The following GALNT13 variants were observed in gnomAD, a reference collection of about 807,000 sequenced individuals.
GALNT13 encodes polypeptide N-acetylgalactosaminyltransferase 13.
GALNT13 carries 28 observed loss-of-function variants against 64.2 expected under a neutral mutation model. The observed-to-expected ratio is 0.44, with a 90% CI of 0.32 to 0.60. GALNT13 has a LOEUF of 0.60. Ranked by LOEUF, GALNT13 falls within the 20% of genes least tolerant of loss-of-function variation. GALNT13 has a pLI of 0.05. For synonymous variants in GALNT13, 214 were observed against 224.6 expected, an observed-to-expected ratio of 0.95 and a Z score of 0.42; for missense variants, 577 against 669.8, an observed-to-expected ratio of 0.86 and a Z score of 1.53.
At chr2:153,962,725 C>G (rs1023402072) in intron 3 of GALNT13, among the ~76,000 whole-genome samples, 1 of 152,086 alleles carries the variant, frequency 6.6e-6, no homozygotes, top group African/African-American at 2.4e-5. Flanking sequence ...TGAGTTTGGA[C>G]AAATGGATCT....
At chr2:154,015,023 T>A (rs1696913505) in intron 3 of GALNT13, among the ~76,000 whole-genome samples, 1 of 152,040 alleles carries the variant, frequency 6.6e-6, no homozygotes, top group Non-Finnish European at 1.5e-5. Flanking sequence ...AATAGAAAAA[T>A]AAAACAAAAC....
chr2:154,350,431 C>T (rs1033539213), intron 9 of GALNT13, among the ~76,000 whole-genome samples: 1 of 152,186 alleles, frequency 6.6e-6, no homozygotes, highest in Non-Finnish European at 1.5e-5. Flanking sequence ...CCAAGTTCTT[C>T]AGCTTTTGTA....
chr2:154,307,509 G>A lies in GALNT13; in HGVS notation c.1156+5920G>A, dbSNP rs964930724. ...CAGTCTTGGCCTATGCTCATTAGCC[G>A]TTTGGTAATATTGACAAAGTTGGTA... On this transcript the variant is annotated intron_variant, in intron 9 of 12. Coordinates refer to ENST00000392825, the MANE Select transcript of GALNT13 (RefSeq NM_052917.4). 3.9e-5 allele frequency among the ~76,000 whole-genome samples: 6 copies of A among 152,022 alleles called. No homozygotes were observed. In the East Asian group the frequency reaches 5.8e-4, roughly 15 times the overall value.
chr2:153,408,663 TG>T, the GALNT13 span, among the ~76,000 whole-genome samples: 6,735 of 150,636 alleles, frequency 0.045, 220 homozygotes, highest in South Asian at 0.13. Context: ...TTTTTGTTTT[TG>T]TTTTTTTTTT....
At chr2:153,485,232 C>T in the GALNT13 span, among the ~76,000 whole-genome samples, 4 of 152,018 alleles carry the variant, frequency 2.6e-5, no homozygotes, top group African/African-American at 7.2e-5. Context: ...TTAACCTTTT[C>T]GTAAGACATA....
the GALNT13 span, among the ~76,000 whole-genome samples, chr2:153,255,805 T>C: frequency 2.0e-5 from 3 of 152,220 alleles, no homozygotes; most frequent in Non-Finnish European, 2.9e-5. Flanking sequence ...CCCACTCTCT[T>C]CTGGCTGGTA....
At chr2:154,216,016 AAAT>A (rs1328844402) in intron 4 of GALNT13, among the ~76,000 whole-genome samples, 3 of 151,084 alleles carry the variant, frequency 2.0e-5, no homozygotes, top group African/African-American at 4.9e-5. Context: ...AAAACAAATT[AAAT>A]AATAATTATT....
intron 3 of GALNT13, among the ~76,000 whole-genome samples, chr2:154,001,260 T>A (rs1357185877): frequency 1.3e-5 from 2 of 152,094 alleles, no homozygotes; most frequent in Non-Finnish European, 2.9e-5. Context: ...TGTCTTTTAA[T>A]TGGACAATTT....
chr2:153,531,536 C>T, the GALNT13 span, among the ~76,000 whole-genome samples: 1 of 152,102 alleles, frequency 6.6e-6, no homozygotes, highest in Admixed American at 6.6e-5. Context: ...AAAACCATAC[C>T]ACTCTGCTCC....
intron 3 of GALNT13, among the ~76,000 whole-genome samples, chr2:154,067,807 G>T (rs1490962614): frequency 6.6e-6 from 1 of 152,028 alleles, no homozygotes; most frequent in African/African-American, 2.4e-5. Context: ...GTTGGTCTGA[G>T]CTAAGATTTC....
chr2:153,709,614 A>G, the GALNT13 span, among the ~76,000 whole-genome samples: 2,093 of 152,142 alleles, frequency 0.014, 53 homozygotes, highest in African/African-American at 0.047. Flanking sequence ...AAGAATTACC[A>G]TATGATTCAG....
At chr2:153,998,465 C>A (rs766879067) in intron 3 of GALNT13, among the ~76,000 whole-genome samples, 4 of 152,068 alleles carry the variant, frequency 2.6e-5, no homozygotes, top group Non-Finnish European at 5.9e-5. Context: ...CTGTTCATAT[C>A]CTTCGCCCAC....
At chr2:153,518,227 T>C in the GALNT13 span, among the ~76,000 whole-genome samples, 8 of 152,166 alleles carry the variant, frequency 5.3e-5, no homozygotes, top group African/African-American at 1.9e-4. Flanking sequence ...TGTTCTTCTA[T>C]TGTTTTTCTC....
At chr2:153,786,421 C>G in the GALNT13 span, among the ~76,000 whole-genome samples, 1 of 152,112 alleles carries the variant, frequency 6.6e-6, no homozygotes, top group African/African-American at 2.4e-5. Context: ...CACGGCTGAG[C>G]ATACTCACTT....
At chr2:153,488,383 T>C in the GALNT13 span, among the ~76,000 whole-genome samples, 6 of 152,266 alleles carry the variant, frequency 3.9e-5, no homozygotes, top group East Asian at 1.2e-3. Context: ...TTAGACACTG[T>C]TTTTTTCCTC....
At chr2:153,922,941 C>T (rs1689855422) in intron 2 of GALNT13, among the ~76,000 whole-genome samples, 1 of 151,232 alleles carries the variant, frequency 6.6e-6, no homozygotes, top group Non-Finnish European at 1.5e-5. Context: ...CCTCTGTCAC[C>T]CAGGCTGGAG....
At chr2:154,025,844 C>T (rs1697919843) in intron 3 of GALNT13, among the ~76,000 whole-genome samples, 1 of 151,768 alleles carries the variant, frequency 6.6e-6, no homozygotes, top group Admixed American at 6.6e-5. Flanking sequence ...CAACTACTTC[C>T]TAGGGGGTAA....
the GALNT13 span, among the ~76,000 whole-genome samples, chr2:153,082,000 G>A: frequency 3.9e-5 from 6 of 152,132 alleles, no homozygotes; most frequent in South Asian, 2.1e-4. Flanking sequence ...AGTGTACAGA[G>A]TTTCCCTTTT....
the GALNT13 span, among the ~76,000 whole-genome samples, chr2:153,815,407 C>T: frequency 6.6e-6 from 1 of 152,178 alleles, no homozygotes; most frequent in Non-Finnish European, 1.5e-5. Context: ...GTGCCTGGAA[C>T]ATTTGGGGGA....
Sources: allele counts gnomAD v4.1 joint callset (sites outside exome capture counted in the v4.1 genomes callset), GRCh38; gene constraint gnomAD v4.1.1; transcripts MANE v1.5; gene names NCBI Gene and HGNC (gene_info 2026-07-23, HGNC 2026-07-21).